The following GALNT13 variants were observed in gnomAD, a reference collection of about 807,000 sequenced individuals.
GALNT13 encodes polypeptide N-acetylgalactosaminyltransferase 13.
Under a neutral mutation model 64.2 loss-of-function variants are expected in GALNT13, and 28 were observed. The ratio of observed to expected loss-of-function variants is 0.44; its 90% confidence interval spans 0.32 to 0.60. GALNT13 has a LOEUF of 0.60. Among genes scored for constraint, GALNT13 ranks in the 20% least tolerant of loss-of-function variants. The probability of loss-of-function intolerance (pLI) is 0.05; values close to 1 mark genes in which losing one functional copy is unlikely to be tolerated. For synonymous variants in GALNT13, 214 were observed against 224.6 expected, an observed-to-expected ratio of 0.95 and a Z score of 0.42; for missense variants, 577 against 669.8, an observed-to-expected ratio of 0.86 and a Z score of 1.53.
intron 2 of GALNT13, among the ~76,000 whole-genome samples, chr2:153,915,192 A>G (rs1446160183): frequency 1.3e-5 from 2 of 152,150 alleles, no homozygotes; most frequent in African/African-American, 2.4e-5. Flanking sequence ...CTGAGAAACT[A>G]TAGCTCTTTT....
At chr2:153,550,717 T>C in the GALNT13 span, among the ~76,000 whole-genome samples, 2 of 152,220 alleles carry the variant, frequency 1.3e-5, no homozygotes, top group African/African-American at 4.8e-5. Flanking sequence ...TGTTTGGTAA[T>C]GCTTAACTTT....
At chr2:153,923,731 C>T (rs1689914410) in intron 2 of GALNT13, among the ~76,000 whole-genome samples, 1 of 149,480 alleles carries the variant, frequency 6.7e-6, no homozygotes, top group East Asian at 2.0e-4. Context: ...TGATATTCCC[C>T]TTCCTGTGTC....
chr2:154,095,864 T>C (rs1204350288), intron 3 of GALNT13, among the ~76,000 whole-genome samples: 1 of 151,966 alleles, frequency 6.6e-6, no homozygotes, highest in Non-Finnish European at 1.5e-5. Context: ...GAAAGTTCAA[T>C]ATTGTGATTT....
At chr2:153,602,953 C>G in the GALNT13 span, among the ~76,000 whole-genome samples, 1 of 151,874 alleles carries the variant, frequency 6.6e-6, no homozygotes, top group African/African-American at 2.4e-5. Flanking sequence ...TTCAACACAA[C>G]TTGATTGCAA....
the GALNT13 span, among the ~76,000 whole-genome samples, chr2:153,651,649 G>A: frequency 6.6e-6 from 1 of 152,158 alleles, no homozygotes; most frequent in Admixed American, 6.6e-5. Context: ...CATTGAAGCT[G>A]ACCATAGGGC....
chr2:153,499,652 A>G, the GALNT13 span, among the ~76,000 whole-genome samples: 1 of 152,018 alleles, frequency 6.6e-6, no homozygotes, highest in East Asian at 1.9e-4. Context: ...TGCTCATCGC[A>G]CCCAAATTCC....
chr2:153,540,370 G>C, the GALNT13 span, among the ~76,000 whole-genome samples: 3 of 152,248 alleles, frequency 2.0e-5, no homozygotes, highest in African/African-American at 7.2e-5. Flanking sequence ...GAAACATCTG[G>C]ATGTCCAGGC....
chr2:153,564,452 T>G, the GALNT13 span, among the ~76,000 whole-genome samples: 12 of 152,180 alleles, frequency 7.9e-5, no homozygotes, highest in African/African-American at 2.7e-4. Flanking sequence ...ACCCATATAG[T>G]AATATTGTCT....
intron 3 of GALNT13, among the ~76,000 whole-genome samples, chr2:153,989,091 G>T (rs1327111685): frequency 3.3e-5 from 5 of 151,844 alleles, no homozygotes; most frequent in African/African-American, 9.7e-5. Context: ...AAGAATGCCT[G>T]TATCCTCTCC....
chr2:153,529,391 A>G, the GALNT13 span, among the ~76,000 whole-genome samples: 1 of 149,740 alleles, frequency 6.7e-6, no homozygotes, highest in Non-Finnish European at 1.5e-5. Flanking sequence ...ACAGGCCAGT[A>G]ACAAGTAACA....
intron 10 of GALNT13, among the ~76,000 whole-genome samples, chr2:154,404,997 A>C (rs1699462584): frequency 1.3e-5 from 2 of 152,124 alleles, no homozygotes; most frequent in South Asian, 4.1e-4. Flanking sequence ...AGAAAAGAAA[A>C]ACTAGAAAAG....
At chr2:153,637,611 C>T in the GALNT13 span, among the ~76,000 whole-genome samples, 4 of 152,016 alleles carry the variant, frequency 2.6e-5, no homozygotes, top group African/African-American at 7.2e-5. Context: ...TTCTTGGAGC[C>T]TTTAGATGCA....
the GALNT13 span, among the ~76,000 whole-genome samples, chr2:153,408,770 T>C: frequency 1.3e-5 from 2 of 152,100 alleles, no homozygotes; most frequent in African/African-American, 4.8e-5. Context: ...ATGGTTAATA[T>C]TGAGTGTTAA....
At chr2:154,103,513 C>G (rs549980567) in intron 3 of GALNT13, among the ~76,000 whole-genome samples, 1 of 152,162 alleles carries the variant, frequency 6.6e-6, no homozygotes, top group South Asian at 2.1e-4. Flanking sequence ...CATTGATATA[C>G]AGCTTGCATC....
Position 154,322,144 on chromosome 2 carries a change from C to CTT in GALNT13, c.1156+20584_1156+20585dup, listed in dbSNP as rs70983718. Among the ~76,000 whole-genome samples the CTT allele has an allele frequency of 2.3e-3, 38 of 16,634 alleles. 4 individuals carry two copies. Among genetic ancestry groups the CTT allele is most frequent in the African/African-American group, 8.9e-3 (34 of 3,810 alleles). 10.9% of individuals were successfully genotyped at this position (16,634 alleles called of 152,430 possible). On this transcript the variant is annotated intron_variant, in intron 9 of 12. Coordinates refer to ENST00000392825, the MANE Select transcript of GALNT13 (RefSeq NM_052917.4). ...TTGAGTTTACTTTCTAAAATATGTACTTTTTTTTTTTTTTTTTTTTTTTTT... is the reference window on the plus strand; with the variant it reads ...TTGAGTTTACTTTCTAAAATATGTACTTTTTTTTTTTTTTTTTTTTTTTTTTT...
intron 3 of GALNT13, among the ~76,000 whole-genome samples, chr2:154,063,920 A>C (rs976056698): frequency 3.3e-5 from 5 of 152,186 alleles, no homozygotes; most frequent in African/African-American, 1.2e-4. Context: ...AAGAACCACC[A>C]GTCAGGTAAG....
intron 9 of GALNT13, among the ~76,000 whole-genome samples, chr2:154,354,616 A>C (rs1470132631): frequency 1.0e-5 from 1 of 98,482 alleles, no homozygotes; most frequent in Non-Finnish European, 2.4e-5. Context: ...GTTCAATCTC[A>C]CTTTTTTTTT....
At chr2:153,942,187 G>A (rs972705111) in intron 2 of GALNT13, among the ~76,000 whole-genome samples, 3 of 152,006 alleles carry the variant, frequency 2.0e-5, no homozygotes, top group Non-Finnish European at 4.4e-5. Flanking sequence ...AATATTTTGT[G>A]AGATTGATGG....
chr2:153,201,406 C>T, the GALNT13 span, among the ~76,000 whole-genome samples: 158 of 152,304 alleles, frequency 1.0e-3, 1 homozygote, highest in African/African-American at 3.7e-3. Context: ...GATCTGCATC[C>T]TAATTCCTTC....
Sources: gnomAD v4.1 joint callset for allele counts (sites outside exome capture counted in the v4.1 genomes callset) on GRCh38, gnomAD v4.1.1 for gene constraint, MANE v1.5 for transcripts, NCBI Gene and HGNC (gene_info 2026-07-23, HGNC 2026-07-21) for gene names.